The following SLC22A9 variants were observed in gnomAD, a reference collection of about 807,000 sequenced individuals.
SLC22A9 encodes the protein organic anion transporter 7.
A neutral mutation model predicts 50.1 loss-of-function variants in SLC22A9; 64 were observed. The observed-to-expected ratio is 1.28, with a 90% CI of 1.04 to 1.57. The LOEUF (loss-of-function observed/expected upper bound fraction) is 1.57, where lower values mean the gene tolerates loss of function less well. Among genes scored for constraint, SLC22A9 ranks in the 40% most tolerant of loss-of-function variants. The pLI is 0.00. For missense variants in SLC22A9, 757 were observed against 676.1 expected, an observed-to-expected ratio of 1.12 and a Z score of -1.33; for synonymous variants, 261 against 242.5, an observed-to-expected ratio of 1.08 and a Z score of -0.71.
chr11:63,390,092 T>C (rs1464042301), intron 6 of SLC22A9, among the ~76,000 whole-genome samples: 1 of 152,208 alleles, frequency 6.6e-6, no homozygotes, highest in Non-Finnish European at 1.5e-5. Flanking sequence ...GTCAGATGGG[T>C]AGCTTGCAAA....
In SLC22A9 at chr11:63,380,274, T is replaced by C. The variant is rs182487047; in HGVS notation, c.955-1885T>C. On this transcript the variant is annotated intron_variant, in intron 5 of 9. Transcript: ENST00000279178. ...TTAGTTCAGACACTGTGGAAAGCAG[T>C]GTGGAGATTTCTCAAATAACTGAAA... Among the ~76,000 whole-genome samples the C allele has an allele frequency of 5.1e-3, 772 of 152,272 alleles. 10 individuals are homozygous for C. Among genetic ancestry groups the C allele is most frequent in the African/African-American group, 0.018 (736 of 41,552 alleles).
rs527911260 is a variant in SLC22A9, at chr11:63,379,819, C to T, written c.955-2340C>T. ...TGATCTTGGCTCACTGCAGCCTCCACCTCCAGGGTTCAAGCGATTCTCCTG... is the reference window on the plus strand; with the variant it reads ...TGATCTTGGCTCACTGCAGCCTCCATCTCCAGGGTTCAAGCGATTCTCCTG... On this transcript the variant is annotated intron_variant, in intron 5 of 9. Coordinates refer to ENST00000279178, the MANE Select transcript of SLC22A9 (RefSeq NM_080866.3). Among the ~76,000 whole-genome samples, 24 of 152,282 alleles carry T rather than the reference C, an allele frequency of 1.6e-4. No individual in the cohort carries two copies. In the South Asian group the frequency reaches 5.0e-3, roughly 32 times the overall value.
intron 6 of SLC22A9, among the ~76,000 whole-genome samples, chr11:63,390,667 C>A (rs1458724837): frequency 1.3e-5 from 2 of 152,076 alleles, no homozygotes; most frequent in East Asian, 1.9e-4. Context: ...ATTGTCCTAG[C>A]TATACGGGCT....
intron 6 of SLC22A9, among the ~76,000 whole-genome samples, chr11:63,404,672 T>C (rs1306236800): frequency 5.3e-5 from 8 of 152,174 alleles, no homozygotes; most frequent in Non-Finnish European, 5.9e-5. Flanking sequence ...ATACTTTTCC[T>C]TCAGTGGATG....
intron 6 of SLC22A9, among the ~76,000 whole-genome samples, chr11:63,401,095 G>C (rs12288592): frequency 0.055 from 8,382 of 152,082 alleles, 346 homozygotes; most frequent in African/African-American, 0.11. Context: ...TCATGTAGAA[G>C]ACAAGTATGC....
chr11:63,400,458 A>G (rs1336152916), intron 6 of SLC22A9, among the ~76,000 whole-genome samples: 1 of 152,054 alleles, frequency 6.6e-6, no homozygotes, highest in Non-Finnish European at 1.5e-5. Context: ...AACCAAGTTG[A>G]CACATTAAGA....
rs202164269 is a variant in SLC22A9 at position 63,373,659 on chromosome 11, C to T, written c.522C>T (p.Phe174=). 13 of 1,569,876 alleles carry T rather than the reference C, an allele frequency of 8.3e-6. No individual in the cohort carries two copies. The highest frequency in any genetic ancestry group is 4.0e-5 in the Admixed American group (2 of 50,298). The part of the protein sequence containing the change: ...GHLSDRFGRR[F]VLRWCYLQVA... ...TGTTTCTCAGGTTTGGGAGAAGGTT[C>T]GTGCTCAGATGGTGTTACCTCCAGG... The change falls in exon 3 of 10, where the codon TTC becomes TTT. Residue 174 remains phenylalanine (F), a synonymous_variant. Coordinates refer to ENST00000279178, the MANE Select transcript of SLC22A9 (RefSeq NM_080866.3).
chr11:63,382,256 T>A lies in SLC22A9; in HGVS notation c.1052T>A (p.Ile351Asn). ...CACATGCCCAACATATGTAAAAGGATCTCCCTCCTGTCCTTTACGAGGTAA... is the reference window on the plus strand; with the variant it reads ...CACATGCCCAACATATGTAAAAGGAACTCCCTCCTGTCCTTTACGAGGTAA... ...MLHMPNICKR[I>N]SLLSFTRFAN... Residue 351 changes from isoleucine (I) to asparagine (N), a missense_variant, in exon 6 of 10, where the codon ATC becomes AAC. By Grantham distance (149) the Ile-to-Asn change is moderately radical. Coordinates refer to ENST00000279178, the MANE Select transcript of SLC22A9 (RefSeq NM_080866.3). The A allele has an allele frequency of 3.1e-6, 5 of 1,609,430 alleles. No individual in the cohort carries two copies. The East Asian group carries it at 1.1e-4, about 36-fold the overall frequency.
chr11:63,405,878 T>C (rs2015027767), intron 6 of SLC22A9, among the ~76,000 whole-genome samples: 2 of 152,300 alleles, frequency 1.3e-5, no homozygotes, highest in Middle Eastern at 3.4e-3. Flanking sequence ...CATAGTTTAA[T>C]CCTCCATAAA....
chr11:63,406,745 C>T, intron 7 of SLC22A9, 34 bp downstream of exon 7: 1 of 1,599,198 alleles, frequency 6.3e-7, no homozygotes, highest in Non-Finnish European at 8.5e-7. Flanking sequence ...GAGAGAAATG[C>T]CTTTGCCTCT....
intron 6 of SLC22A9, among the ~76,000 whole-genome samples, chr11:63,405,192 G>A (rs926318381): frequency 1.2e-4 from 18 of 152,086 alleles, no homozygotes; most frequent in Admixed American, 2.6e-4. Flanking sequence ...AATCAGGTGT[G>A]GGTCACTTAA....
intron 6 of SLC22A9, among the ~76,000 whole-genome samples, chr11:63,403,633 A>T (rs1044527348): frequency 6.6e-6 from 1 of 152,102 alleles, no homozygotes; most frequent in African/African-American, 2.4e-5. Context: ...CAAGATAAGG[A>T]TTCTACTCTC....
In SLC22A9 at chr11:63,387,875, C is replaced by G. The variant is rs528657513; in HGVS notation, c.1073+5598C>G. Among the ~76,000 whole-genome samples, 31 of 151,970 alleles carry G rather than the reference C, an allele frequency of 2.0e-4. No individual in the cohort carries two copies. The South Asian group carries it at 6.2e-3, about 30-fold the overall frequency. Reference sequence around the variant, plus strand: ...AGAGGGTTTTTTCACTTTTTATTAACTTAATTTCTAGGTATTTTATTTTAT... The same window carrying G: ...AGAGGGTTTTTTCACTTTTTATTAAGTTAATTTCTAGGTATTTTATTTTAT... On this transcript the variant is annotated intron_variant, in intron 6 of 9. Transcript: ENST00000279178.
chr11:63,409,650 A>T (rs1290681276), intron 9 of SLC22A9, 152 bp from the exon 10 acceptor site: 2 of 682,724 alleles, frequency 2.9e-6, no homozygotes, highest in Non-Finnish European at 4.8e-6. Flanking sequence ...TTACTTCACA[A>T]GGTTTACTCA....
chr11:63,382,227 G>C lies in SLC22A9; in HGVS notation c.1023G>C (p.Met341Ile). Residue 341 changes from methionine to isoleucine, a missense_variant, in exon 6 of 10, where the codon ATG becomes ATC. Physicochemically the swap from Met to Ile is conservative, Grantham distance 10. Transcript: ENST00000279178. ...AAAAAAAACCTTCTCTGTGTGAAATGCTCCACATGCCCAACATATGTAAAA... is the reference window on the plus strand; with the variant it reads ...AAAAAAAACCTTCTCTGTGTGAAATCCTCCACATGCCCAACATATGTAAAA... ...AQKKKPSLCE[M>I]LHMPNICKRI... 1.9e-6 allele frequency: 3 copies of C among 1,609,806 alleles called. No homozygotes were observed. Among genetic ancestry groups the C allele is most frequent in the Non-Finnish European group, 2.5e-6 (3 of 1,178,702 alleles).
intron 5 of SLC22A9, 51 bp from the exon 6 acceptor site, chr11:63,382,108 C>T (rs765318228): frequency 7.0e-7 from 1 of 1,428,772 alleles, no homozygotes; most frequent in South Asian, 1.3e-5. Context: ...GCCTACAGTG[C>T]CTACTCTTTT....
chr11:63,400,945 C>T (rs537061884), intron 6 of SLC22A9, among the ~76,000 whole-genome samples: 41 of 152,054 alleles, frequency 2.7e-4, no homozygotes, highest in East Asian at 7.7e-4. Context: ...TGATAAAATT[C>T]GAATTCTCTC....
At position 63,387,918 on chromosome 11, in the gene SLC22A9, A is replaced by T. The variant is rs1225330205; in HGVS notation, c.1073+5641A>T. On this transcript the variant is annotated intron_variant, in intron 6 of 9. Transcript: ENST00000279178. ...TATTTTATTTGTAACTATTGTAAGC[A>T]TGTTGACTTTCTTGGTCTTTTTTAG... Among the ~76,000 whole-genome samples the T allele has an allele frequency of 2.6e-5, 4 of 151,934 alleles. No homozygotes were observed. The East Asian group carries it at 7.7e-4, about 29-fold the overall frequency.
At position 63,406,524 on chromosome 11, in the gene SLC22A9, C is replaced by A. The variant is rs1591029475; in HGVS notation, c.1101C>A (p.Gly367=). Residue 367 remains glycine (G), a synonymous_variant, in exon 7 of 10, where the codon GGC becomes GGA. Transcript: ENST00000279178. The stretch of plus-strand genomic sequence containing the variant: ...TTGCAAACTTTATGGCCTATTTTGG[C>A]CTTAATCTCCATGTCCAGCATCTGG... ...TRFANFMAYF[G]LNLHVQHLGN... The A allele has an allele frequency of 1.2e-6, 2 of 1,613,542 alleles. No homozygotes were observed. The highest frequency in any genetic ancestry group is 1.7e-6 in the Non-Finnish European group (2 of 1,179,750).
Sources: gnomAD v4.1 joint callset for allele counts (sites outside exome capture counted in the v4.1 genomes callset) on GRCh38, gnomAD v4.1.1 for gene constraint, MANE v1.5 for transcripts, NCBI Gene and HGNC (gene_info 2026-07-23, HGNC 2026-07-21) for gene names.